The following IQCK variants were observed in gnomAD, a reference collection of about 807,000 sequenced individuals.
IQCK encodes IQ motif containing K.
IQCK carries 29 observed loss-of-function variants against 28.1 expected under a neutral mutation model. The observed-to-expected ratio is 1.03, with a 90% CI of 0.77 to 1.41. The LOEUF is 1.41. IQCK is among the 40% of genes most tolerant of loss of function. IQCK has a pLI of 0.00. For synonymous variants in IQCK, 113 were observed against 115.1 expected, an observed-to-expected ratio of 0.98 and a Z score of 0.12; for missense variants, 359 against 314.7, an observed-to-expected ratio of 1.14 and a Z score of -1.07.
chr16:19,831,427 A>G (rs2141098074), downstream of IQCK, among the ~76,000 whole-genome samples: 1 of 152,266 alleles, frequency 6.6e-6, no homozygotes, highest in Non-Finnish European at 1.5e-5. Context: ...GAGTTGAATC[A>G]CTTTGTTAAG....
At chr16:19,780,378 C>T (rs2055462848) in intron 6 of IQCK, among the ~76,000 whole-genome samples, 2 of 152,008 alleles carry the variant, frequency 1.3e-5, no homozygotes. Flanking sequence ...ACAGTGTTGC[C>T]CTGGCTGGTC....
At chr16:19,720,314 A>G (rs886225639) in intron 1 of IQCK, among the ~76,000 whole-genome samples, 2 of 152,102 alleles carry the variant, frequency 1.3e-5, no homozygotes, top group Non-Finnish European at 2.9e-5. Flanking sequence ...TAATCACTCT[A>G]CCCCAAAGAA....
At chr16:19,772,573 G>A (rs1018097408) in intron 6 of IQCK, among the ~76,000 whole-genome samples, 6 of 152,154 alleles carry the variant, frequency 3.9e-5, no homozygotes, top group African/African-American at 1.2e-4. Flanking sequence ...TCTATGGACA[G>A]GGGTGAGGGA....
exon 10 of IQCK, chr16:19,857,038 T>C: frequency 5.8e-6 from 1 of 171,782 alleles, no homozygotes; most frequent in Non-Finnish European, 1.2e-5. Context: ...GACCACTCCT[T>C]AACTTTTACT....
At chr16:19,748,865 A>C (rs1423031255) in intron 4 of IQCK, among the ~76,000 whole-genome samples, 1 of 152,218 alleles carries the variant, frequency 6.6e-6, no homozygotes, top group African/African-American at 2.4e-5. Context: ...AGAATTAAGC[A>C]ACTGCTAGAA....
At chr16:19,806,372 T>C (rs1419756711) in intron 7 of IQCK, among the ~76,000 whole-genome samples, 1 of 151,460 alleles carries the variant, frequency 6.6e-6, no homozygotes, top group Non-Finnish European at 1.5e-5. Context: ...GTCTAAAAAA[T>C]ACATTATATA....
intron 6 of IQCK, among the ~76,000 whole-genome samples, chr16:19,767,989 T>G (rs958565875): frequency 2.0e-5 from 3 of 151,156 alleles, no homozygotes; most frequent in African/African-American, 7.3e-5. Context: ...AATCTTCAGG[T>G]ATAGCCTGAA....
chr16:19,736,030 C>T, intron 4 of IQCK: 1 of 447,132 alleles, frequency 2.2e-6, no homozygotes, highest in South Asian at 1.6e-5. Flanking sequence ...CACGTCACTG[C>T]ACTCCAGCCT....
chr16:19,809,330 C>T (rs1689302055), intron 7 of IQCK, among the ~76,000 whole-genome samples: 1 of 152,238 alleles, frequency 6.6e-6, no homozygotes, highest in South Asian at 2.1e-4. Flanking sequence ...GGTAGTTCCT[C>T]TACTGGTCTC....
intron 9 of IQCK, 88 bp from the exon 9 acceptor site, chr16:19,856,399 G>A: frequency 5.6e-6 from 6 of 1,066,348 alleles, no homozygotes; most frequent in Non-Finnish European, 8.6e-6. Flanking sequence ...AACTGACCTT[G>A]TCCACACATC....
Position 19,856,783 on chromosome 16 carries a change from A to G in IQCK, c.*235A>G, listed in dbSNP as rs564876469. On this transcript the variant is annotated 3_prime_UTR_variant, in exon 10 of 10. Transcript: ENST00000320394. ...ATCCCCACATTTTATTCATTCATCC[A>G]GATTACTTCTTCAGTGCCTCAGGAG... The G allele has an allele frequency of 2.3e-5, 12 of 511,654 alleles. No homozygotes were observed. The South Asian group carries it at 2.9e-4, about 12-fold the overall frequency. 31.7% of individuals were successfully genotyped at this position (511,654 alleles called of 1,614,324 possible). A position where few individuals can be genotyped will look rare whatever the true frequency, so the allele number is the denominator to read the frequency against.
At chr16:19,725,072 C>T (rs535430671) in intron 1 of IQCK, among the ~76,000 whole-genome samples, 21 of 152,312 alleles carry the variant, frequency 1.4e-4, no homozygotes, top group African/African-American at 4.6e-4. Flanking sequence ...ACAACTTTCA[C>T]TTGTTCATAA....
chr16:19,774,022 A>T (rs1486430771), intron 6 of IQCK, among the ~76,000 whole-genome samples: 4 of 152,190 alleles, frequency 2.6e-5, no homozygotes, highest in African/African-American at 9.6e-5. Context: ...ATAGATAATG[A>T]AGTAGCTGAG....
chr16:19,779,392 T>C (rs1567554168), intron 6 of IQCK, among the ~76,000 whole-genome samples: 2 of 152,216 alleles, frequency 1.3e-5, no homozygotes, highest in African/African-American at 2.4e-5. Flanking sequence ...CCTGAGCAAC[T>C]GGCTGAATGG....
intron 7 of IQCK, among the ~76,000 whole-genome samples, chr16:19,812,230 G>A (rs1479870787): frequency 6.6e-6 from 1 of 151,988 alleles, no homozygotes; most frequent in African/African-American, 2.4e-5. Flanking sequence ...CAAGTGATCC[G>A]CCCACCTGGG....
intron 7 of IQCK, among the ~76,000 whole-genome samples, chr16:19,816,609 A>T (rs2055992645): frequency 6.6e-6 from 1 of 152,162 alleles, no homozygotes; most frequent in Non-Finnish European, 1.5e-5. Flanking sequence ...TGCCTGGCTA[A>T]TGCCTAAAAT....
chr16:19,819,966 G>A (rs1325424982), intron 7 of IQCK, among the ~76,000 whole-genome samples: 1 of 151,932 alleles, frequency 6.6e-6, no homozygotes, highest in African/African-American at 2.4e-5. Flanking sequence ...TTTTGATAAG[G>A]GTGCGAAGAC....
intron 4 of IQCK, among the ~76,000 whole-genome samples, chr16:19,746,525 T>C (rs1030396192): frequency 3.3e-5 from 5 of 152,228 alleles, no homozygotes; most frequent in South Asian, 2.1e-4. Context: ...ATTGTGACTC[T>C]TAGAATTGCC....
intron 4 of IQCK, among the ~76,000 whole-genome samples, chr16:19,741,344 G>A (rs2056846357): frequency 6.6e-6 from 1 of 151,910 alleles, no homozygotes; most frequent in African/African-American, 2.4e-5. Flanking sequence ...CCTTTCAGAG[G>A]GCACAAAAAT....
Sources: allele counts gnomAD v4.1 joint callset (sites outside exome capture counted in the v4.1 genomes callset), GRCh38; gene constraint gnomAD v4.1.1; transcripts MANE v1.5; gene names NCBI Gene and HGNC (gene_info 2026-07-23, HGNC 2026-07-21).